Variants in SV2C observed in about 807,000 individuals in gnomAD.
The protein encoded by SV2C is synaptic vesicle glycoprotein 2C.
Under a neutral mutation model 79.7 loss-of-function variants are expected in SV2C, and 49 were observed. That is an observed-to-expected ratio of 0.61 (90% confidence interval 0.49 to 0.78). The LOEUF (loss-of-function observed/expected upper bound fraction) is 0.78. Ranked by LOEUF, SV2C falls within the 30% of genes least tolerant of loss-of-function variation. The pLI, the probability that SV2C is intolerant of heterozygous loss-of-function variation, is 0.00. For synonymous variants in SV2C, 334 were observed against 333.2 expected, an observed-to-expected ratio of 1.00 and a Z score of -0.03; for missense variants, 833 against 912.9, an observed-to-expected ratio of 0.91 and a Z score of 1.13.
At chr5:75,955,198 T>G in the SV2C span, among the ~76,000 whole-genome samples, 4 of 151,618 alleles carry the variant, frequency 2.6e-5, no homozygotes, top group Non-Finnish European at 5.9e-5. Flanking sequence ...AATACAGAGA[T>G]ATAGATCAAT....
chr5:75,860,019 T>C, the SV2C span, among the ~76,000 whole-genome samples: 1 of 152,182 alleles, frequency 6.6e-6, no homozygotes, highest in Admixed American at 6.5e-5. Flanking sequence ...TAGACCCGTC[T>C]TTTAAACTCT....
chr5:75,925,719 T>G, the SV2C span, among the ~76,000 whole-genome samples: 1 of 149,622 alleles, frequency 6.7e-6, no homozygotes, highest in East Asian at 2.0e-4. Flanking sequence ...ATTTAAAAAA[T>G]AAATATTTTT....
chr5:75,864,700 G>A, the SV2C span, among the ~76,000 whole-genome samples: 3 of 152,208 alleles, frequency 2.0e-5, no homozygotes, highest in African/African-American at 4.8e-5. Context: ...CAGCATGGGA[G>A]CAAGTATTCA....
chr5:75,927,717 G>A, the SV2C span, among the ~76,000 whole-genome samples: 1 of 152,162 alleles, frequency 6.6e-6, no homozygotes, highest in Non-Finnish European at 1.5e-5. Flanking sequence ...ATTTTTGAAG[G>A]TTATGGATAT....
At chr5:75,859,372 C>T in the SV2C span, among the ~76,000 whole-genome samples, 6 of 152,268 alleles carry the variant, frequency 3.9e-5, no homozygotes, top group South Asian at 1.2e-3. Flanking sequence ...GGGAGAAAAA[C>T]CAAAACATTC....
intron 1 of SV2C, among the ~76,000 whole-genome samples, chr5:76,086,955 G>A (rs74725793): frequency 8.1e-4 from 123 of 152,316 alleles, no homozygotes; most frequent in Middle Eastern, 3.4e-3. Flanking sequence ...TGAAATAAAT[G>A]GACAGGATGG....
At chr5:76,013,243 G>A in the SV2C span, among the ~76,000 whole-genome samples, 1 of 152,192 alleles carries the variant, frequency 6.6e-6, no homozygotes, top group East Asian at 1.9e-4. Context: ...CATAAGCATG[G>A]AATGTTTTTC....
the SV2C span, among the ~76,000 whole-genome samples, chr5:75,854,130 T>C: frequency 1.3e-5 from 2 of 152,166 alleles, no homozygotes; most frequent in South Asian, 4.1e-4. Flanking sequence ...GAATGGTGTA[T>C]TTACTCTTTT....
the SV2C span, among the ~76,000 whole-genome samples, chr5:75,952,767 G>A: frequency 2.3e-4 from 35 of 151,848 alleles, no homozygotes; most frequent in South Asian, 6.2e-4. Flanking sequence ...CTGCAGAGCC[G>A]TGAGCCAATT....
the SV2C span, among the ~76,000 whole-genome samples, chr5:75,973,847 C>G: frequency 6.6e-6 from 1 of 152,108 alleles, no homozygotes; most frequent in Non-Finnish European, 1.5e-5. Context: ...TATAGGTAAA[C>G]TAACCTCATG....
the SV2C span, among the ~76,000 whole-genome samples, chr5:76,066,481 G>A: frequency 8.0e-5 from 12 of 149,368 alleles, no homozygotes; most frequent in African/African-American, 2.9e-4. Context: ...GGGAGGGAAA[G>A]CATTAGGAGA....
chr5:76,096,927 C>T (rs145445563), intron 1 of SV2C, among the ~76,000 whole-genome samples: 2 of 152,312 alleles, frequency 1.3e-5, no homozygotes, highest in Non-Finnish European at 2.9e-5. Context: ...CCTGGGTCTG[C>T]ACTTCTTAGC....
intron 4 of SV2C, among the ~76,000 whole-genome samples, chr5:76,275,652 ACAGT>A (rs1185494371): frequency 1.3e-5 from 2 of 152,216 alleles, no homozygotes; most frequent in African/African-American, 4.8e-5. Flanking sequence ...AAGGTTTCAG[ACAGT>A]CAGGCAACTG....
the SV2C span, among the ~76,000 whole-genome samples, chr5:76,027,433 T>C: frequency 4.6e-5 from 7 of 152,180 alleles, no homozygotes; most frequent in African/African-American, 1.7e-4. Context: ...CACTTATTCA[T>C]TGAATGAATT....
chr5:75,989,500 A>G, the SV2C span, among the ~76,000 whole-genome samples: 1 of 151,958 alleles, frequency 6.6e-6, no homozygotes, highest in Non-Finnish European at 1.5e-5. Context: ...TTCATGTTGT[A>G]TATGTGCCAC....
intron 1 of SV2C, among the ~76,000 whole-genome samples, chr5:76,091,293 A>G (rs1054361843): frequency 2.0e-4 from 30 of 152,242 alleles, no homozygotes; most frequent in Admixed American, 1.8e-3. Flanking sequence ...AATAGCAACC[A>G]TAATCACTTC....
At chr5:75,912,311 TA>T in the SV2C span, among the ~76,000 whole-genome samples, 1 of 152,086 alleles carries the variant, frequency 6.6e-6, no homozygotes, top group African/African-American at 2.4e-5. Context: ...GATTGCTAAA[TA>T]AAGTCTGATT....
At chr5:76,188,085 C>T (rs1436336187) in intron 2 of SV2C, among the ~76,000 whole-genome samples, 1 of 152,030 alleles carries the variant, frequency 6.6e-6, no homozygotes, top group Non-Finnish European at 1.5e-5. Context: ...TATGGTGAAA[C>T]CCCATCTCTA....
At chr5:76,159,196 T>C (rs952628042) in intron 2 of SV2C, among the ~76,000 whole-genome samples, 1 of 152,110 alleles carries the variant, frequency 6.6e-6, no homozygotes, top group Admixed American at 6.6e-5. Flanking sequence ...AAAGAGTGGA[T>C]ACTTTTTCTC....
Sources: allele counts gnomAD v4.1 joint callset (sites outside exome capture counted in the v4.1 genomes callset), GRCh38; gene constraint gnomAD v4.1.1; transcripts MANE v1.5; gene names NCBI Gene and HGNC (gene_info 2026-07-23, HGNC 2026-07-21).